PKHD1L1: variants seen among roughly 807,000 people sequenced by gnomAD.
PKHD1L1 encodes fibrocystin-L.
In PKHD1L1, 434 loss-of-function variants were observed where a neutral mutation model predicts 462.9. The observed-to-expected ratio is 0.94, with a 90% CI of 0.87 to 1.02. PKHD1L1 has a LOEUF of 1.02. Among genes scored for constraint, PKHD1L1 ranks in the 50% least tolerant of loss-of-function variants. The pLI is 0.00. For synonymous variants in PKHD1L1, 1,781 were observed against 1,750.0 expected (o/e 1.02, Z -0.44); for missense variants, 5,202 against 5,096.1 (o/e 1.02, Z -0.63).
intron 50 of PKHD1L1, among the ~76,000 whole-genome samples, chr8:109,467,857 T>C (rs180683010): frequency 1.4e-5 from 2 of 147,052 alleles, no homozygotes; most frequent in East Asian, 3.9e-4. Context: ...TTGACAGCAA[T>C]ATGGAAAACT....
intron 50 of PKHD1L1, among the ~76,000 whole-genome samples, chr8:109,468,112 A>T (rs1817544862): frequency 6.6e-6 from 1 of 152,214 alleles, no homozygotes; most frequent in African/African-American, 2.4e-5. Flanking sequence ...CTCAATATAA[A>T]CCAATTAAGA....
At chr8:109,387,025 G>C (rs968125) in intron 6 of PKHD1L1, among the ~76,000 whole-genome samples, 3,287 of 152,174 alleles carry the variant, frequency 0.022, 107 homozygotes, top group African/African-American at 0.074. Flanking sequence ...TAATGTTTGG[G>C]CAAGAAAGTC....
chr8:109,435,004 C>T (rs1815323444), intron 28 of PKHD1L1, among the ~76,000 whole-genome samples, 186 bp from the exon 29 acceptor site: 1 of 151,976 alleles, frequency 6.6e-6, no homozygotes, highest in African/African-American at 2.4e-5. Context: ...GATTCATAGC[C>T]TCAGGTAGTT....
chr8:109,399,274 A>G (rs979810946), intron 12 of PKHD1L1, among the ~76,000 whole-genome samples: 2 of 152,172 alleles, frequency 1.3e-5, no homozygotes, highest in Admixed American at 1.3e-4. Context: ...ATATCACTAG[A>G]CACTGCTTCT....
intron 18 of PKHD1L1, among the ~76,000 whole-genome samples, 159 bp from the exon 19 acceptor site, chr8:109,409,706 T>A (rs1387610779): frequency 6.6e-6 from 1 of 152,206 alleles, no homozygotes; most frequent in Non-Finnish European, 1.5e-5. Flanking sequence ...ATTATCACAC[T>A]AACTTAAAAT....
Position 109,420,596 on chromosome 8 carries a change from C to CA in PKHD1L1, c.2606dup (p.Asn869LysfsTer36). 6.2e-7 allele frequency: 1 copy of CA among 1,609,886 alleles called. No homozygotes were observed. Among genetic ancestry groups the CA allele is most frequent in the South Asian group, 1.1e-5 (1 of 90,596 alleles). ...CACTTTCAGGTGAATCAGACCAAAA[C>CA]AAATGGGCCAACTATGACAAACCAA... On this transcript the variant is annotated frameshift_variant, in exon 23 of 78. Coordinates refer to ENST00000378402, the MANE Select transcript of PKHD1L1 (RefSeq NM_177531.6). LOFTEE classifies it high-confidence loss of function.
chr8:109,434,354 G>T (rs1254469128), intron 28 of PKHD1L1, among the ~76,000 whole-genome samples: 3 of 150,706 alleles, frequency 2.0e-5, no homozygotes, highest in Non-Finnish European at 2.9e-5. Context: ...ATACATCTCT[G>T]CTGAGGAATT....
At chr8:109,509,850 C>T (rs1819879769) in intron 70 of PKHD1L1, among the ~76,000 whole-genome samples, 1 of 151,874 alleles carries the variant, frequency 6.6e-6, no homozygotes, top group Admixed American at 6.6e-5. Flanking sequence ...GATAATACTT[C>T]CAAGTAAGCT....
intron 29 of PKHD1L1, among the ~76,000 whole-genome samples, chr8:109,436,084 G>A (rs1365439476): frequency 6.6e-6 from 1 of 152,200 alleles, no homozygotes; most frequent in African/African-American, 2.4e-5. Flanking sequence ...CAAAGCAAAT[G>A]TGTGTTGCAA....
chr8:109,364,326 C>T (rs1239678848), intron 1 of PKHD1L1, among the ~76,000 whole-genome samples: 1 of 152,102 alleles, frequency 6.6e-6, no homozygotes, highest in African/African-American at 2.4e-5. Context: ...CTTGGTAGCA[C>T]CTAAGATAGT....
Position 109,464,850 on chromosome 8 carries a change from T to G in PKHD1L1, c.8018T>G (p.Phe2673Cys). 6.2e-7 allele frequency: 1 copy of G among 1,613,742 alleles called. No individual in the cohort carries two copies. Among genetic ancestry groups the G allele is most frequent in the Non-Finnish European group, 8.5e-7 (1 of 1,179,774 alleles). ...VNGGALQFHN[F>C]VMVNNYEAGI... ...GGAGGTGCCCTTCAGTTCCATAACTTTGTGATGGTGAATAACTATGAGGCT... is the reference window on the plus strand; with the variant it reads ...GGAGGTGCCCTTCAGTTCCATAACTGTGTGATGGTGAATAACTATGAGGCT... Residue 2673 changes from phenylalanine (F) to cysteine (C), a missense_variant, in exon 49 of 78, where the codon TTT becomes TGT. Phe to Cys is a radical substitution (Grantham distance 205, BLOSUM62 -2). Around this residue, in one of 3 missense-constraint regions of PKHD1L1, gnomAD observed 4,497 missense variants for 4,336.8 expected, o/e 1.04. Coordinates refer to ENST00000378402, the MANE Select transcript of PKHD1L1 (RefSeq NM_177531.6).
chr8:109,497,536 C>T (rs182038536), intron 65 of PKHD1L1, among the ~76,000 whole-genome samples: 1 of 151,146 alleles, frequency 6.6e-6, no homozygotes, highest in African/African-American at 2.4e-5. Context: ...GGGTTCACAT[C>T]CTGCCTCAGC....
At chr8:109,467,205 A>G (rs1326920882) in intron 50 of PKHD1L1, among the ~76,000 whole-genome samples, 1 of 152,184 alleles carries the variant, frequency 6.6e-6, no homozygotes, top group Non-Finnish European at 1.5e-5. Flanking sequence ...TACCTGGAAC[A>G]CCAGATACGC....
rs193091922 is a variant in PKHD1L1 at position 109,448,413 on chromosome 8, C to A, written c.6025+22C>A. 624 of 1,568,730 alleles carry A rather than the reference C, an allele frequency of 4.0e-4. 3 individuals carry two copies. In the African/African-American group the frequency reaches 5.0e-3, roughly 13 times the overall value. On this transcript the variant is annotated intron_variant, in intron 39 of 77. Coordinates refer to ENST00000378402, the MANE Select transcript of PKHD1L1 (RefSeq NM_177531.6). ...CAAGGTAGTCATAAGTATGCAAGAA[C>A]CTGCAGATATTTTGTTTCAGTAAAC...
At chr8:109,395,994 T>A in intron 10 of PKHD1L1, 33 bp from the exon 11 acceptor site, 1 of 1,422,702 alleles carries the variant, frequency 7.0e-7, no homozygotes, top group Non-Finnish European at 9.7e-7. Context: ...GTGTAATATT[T>A]ATGATATTTT....
chr8:109,459,531 A>AAAATG, intron 46 of PKHD1L1, 64 bp from the exon 47 acceptor site: 12 of 1,295,404 alleles, frequency 9.3e-6, no homozygotes, highest in Non-Finnish European at 1.1e-5. Flanking sequence ...AAACAAATAT[A>AAAATG]CCAAAACAAT....
rs1418683251 is a variant in PKHD1L1, at chr8:109,535,630, T to C, written c.*5540T>C. Among the ~76,000 whole-genome samples, 1 of 152,146 alleles carries C rather than the reference T, an allele frequency of 6.6e-6. No homozygotes were observed. Among genetic ancestry groups the C allele is most frequent in the Non-Finnish European group, 1.5e-5 (1 of 68,020 alleles). On this transcript the variant is annotated 3_prime_UTR_variant, in exon 78 of 78. Transcript: ENST00000378402. Reference sequence around the variant, plus strand: ...TTTAAAAAGCAACAATCAAGACACATATCCTCCTAAGTGAATTTGAATTAG... The same window carrying C: ...TTTAAAAAGCAACAATCAAGACACACATCCTCCTAAGTGAATTTGAATTAG...
chr8:109,390,265 A>G (rs1323583066), intron 8 of PKHD1L1, among the ~76,000 whole-genome samples, 187 bp from the exon 9 acceptor site: 1 of 152,182 alleles, frequency 6.6e-6, no homozygotes, highest in Admixed American at 6.5e-5. Context: ...CTTATTACGT[A>G]TATTTTTATA....
At position 109,493,511 on chromosome 8, in the gene PKHD1L1, G is replaced by C. The variant is rs1818932109; in HGVS notation, c.10237-150G>C. ...AATTTCATCATTTGTAATTAAGTTT[G>C]AATGGGGTAAATAATAAATACAAAT... On this transcript the variant is annotated intron_variant, in intron 62 of 77. Coordinates refer to ENST00000378402, the MANE Select transcript of PKHD1L1 (RefSeq NM_177531.6). 3 of 441,924 alleles carry C rather than the reference G, an allele frequency of 6.8e-6. No individual in the cohort carries two copies. In the East Asian group the frequency reaches 1.0e-4, roughly 15 times the overall value. The allele number at this position is 441,924 out of a possible 1,614,324, so 27.4% of individuals were successfully genotyped here.
Sources: allele counts gnomAD v4.1 joint callset (sites outside exome capture counted in the v4.1 genomes callset), GRCh38; gene constraint gnomAD v4.1.1; regional missense constraint gnomAD v4.1.1; transcripts MANE v1.5; gene names NCBI Gene and HGNC (gene_info 2026-07-23, HGNC 2026-07-21).